Variants in DLC1 observed in about 807,000 individuals in gnomAD.
DLC1 encodes DLC1 Rho GTPase activating protein.
In DLC1, 54 loss-of-function variants were observed where a neutral mutation model predicts 140.3. The ratio of observed to expected loss-of-function variants is 0.38; its 90% CI spans 0.31 to 0.48. DLC1 has a LOEUF of 0.48. Ranked by LOEUF, DLC1 falls within the 20% of genes least tolerant of loss-of-function variation. The pLI, the probability that DLC1 is intolerant of heterozygous loss-of-function variation, is 0.96. For synonymous variants in DLC1, 986 were observed against 728.1 expected (o/e 1.35, Z -5.70); for missense variants, 2,536 against 1,907.0 (o/e 1.33, Z -6.14).
rs560259477 is a variant in DLC1, at chr8:13,499,279, T to C, written c.793A>G (p.Arg265Gly). The C allele has an allele frequency of 1.4e-5, 22 of 1,614,164 alleles. 2 individuals carry two copies. In the South Asian group the frequency reaches 2.3e-4, roughly 17 times the overall value. The part of the protein sequence containing the change: ...NEFLDTPCTN[R>G]GLPLLKTDFG... ...TCTGTTTTTAATAATGGCAGTCCTC[T>C]GTTTGTGCAAGGAGTATCCAAGAAC... The change falls in exon 2 of 18, where the codon AGA becomes GGA. Residue 265 changes from arginine (R) to glycine (G), a missense_variant. Physicochemically the swap from Arg to Gly is moderately radical, Grantham distance 125. Coordinates refer to ENST00000276297, the MANE Select transcript of DLC1 (RefSeq NM_182643.3).
chr8:13,214,411 T>G (rs911134085), intron 5 of DLC1: 2 of 437,540 alleles, frequency 4.6e-6, no homozygotes, highest in African/African-American at 2.0e-5. Context: ...CCTATTTGCT[T>G]GGTCTGAAGG....
chr8:13,190,837 C>G (rs1294329672), intron 5 of DLC1, among the ~76,000 whole-genome samples: 1 of 152,040 alleles, frequency 6.6e-6, no homozygotes, highest in Non-Finnish European at 1.5e-5. Flanking sequence ...GATGAAGTCG[C>G]CAAGTGTGGG....
chr8:13,520,749 A>T (rs974102860), intron 1 of DLC1, among the ~76,000 whole-genome samples: 5 of 152,134 alleles, frequency 3.3e-5, no homozygotes, highest in Admixed American at 3.3e-4. Flanking sequence ...CAGAAACTCA[A>T]AGATTCCCAG....
At chr8:13,391,366 G>C (rs547616585) in intron 4 of DLC1, among the ~76,000 whole-genome samples, 1 of 152,058 alleles carries the variant, frequency 6.6e-6, no homozygotes, top group Non-Finnish European at 1.5e-5. Context: ...CTGAACAGCT[G>C]GATACTACTC....
chr8:13,267,928 G>C lies in DLC1; in HGVS notation c.1348+37341C>G, dbSNP rs1305205357. Among the ~76,000 whole-genome samples the C allele has an allele frequency of 2.0e-5, 3 of 152,160 alleles. No homozygotes were observed. The East Asian group carries it at 5.8e-4, about 29-fold the overall frequency. ...CTTTTCACTATGTCTTGGTGATTTT[G>C]ATTGTCTAGAAGTTGATAATTTGTT... On this transcript the variant is annotated intron_variant, in intron 5 of 17. Coordinates refer to ENST00000276297, the MANE Select transcript of DLC1 (RefSeq NM_182643.3).
chr8:13,154,580 C>T (rs1230004589), intron 5 of DLC1, among the ~76,000 whole-genome samples: 1 of 152,188 alleles, frequency 6.6e-6, no homozygotes, highest in Admixed American at 6.5e-5. Flanking sequence ...GGCGCCTCTC[C>T]CTCCACACCT....
intron 4 of DLC1, among the ~76,000 whole-genome samples, chr8:13,358,842 A>C (rs2117064795): frequency 6.6e-6 from 1 of 152,312 alleles, no homozygotes; most frequent in South Asian, 2.1e-4. Context: ...TAAAAATCAG[A>C]CTATGTTACA....
At chr8:13,511,517 A>G (rs1802364786) in intron 1 of DLC1, among the ~76,000 whole-genome samples, 1 of 152,176 alleles carries the variant, frequency 6.6e-6, no homozygotes, top group Non-Finnish European at 1.5e-5. Flanking sequence ...TTGAAAGCCA[A>G]AACAGAACCA....
intron 5 of DLC1, among the ~76,000 whole-genome samples, chr8:13,209,868 G>A (rs575819532): frequency 1.6e-3 from 242 of 152,186 alleles, no homozygotes; most frequent in Non-Finnish European, 2.7e-3. Flanking sequence ...GCAGAACCAG[G>A]AGCCAATTAA....
At chr8:13,295,834 G>A (rs1307102073) in intron 5 of DLC1, among the ~76,000 whole-genome samples, 1 of 149,470 alleles carries the variant, frequency 6.7e-6, no homozygotes, top group Non-Finnish European at 1.5e-5. Context: ...GTACGTATTT[G>A]TGTATATATT....
intron 8 of DLC1, 81 bp downstream of exon 8, chr8:13,102,709 A>G (rs1819198014): frequency 7.0e-6 from 9 of 1,276,898 alleles, no homozygotes; most frequent in Admixed American, 1.7e-5. Context: ...TTGGAGAAAC[A>G]AAACCTATTA....
chr8:13,168,908 G>T (rs969609935), intron 5 of DLC1, among the ~76,000 whole-genome samples: 1 of 152,188 alleles, frequency 6.6e-6, no homozygotes, highest in African/African-American at 2.4e-5. Flanking sequence ...TGACCCTGTG[G>T]TTATGACCGT....
intron 5 of DLC1, among the ~76,000 whole-genome samples, chr8:13,298,285 A>T (rs1161263492): frequency 6.6e-6 from 1 of 152,178 alleles, no homozygotes; most frequent in East Asian, 1.9e-4. Context: ...ATCTTCTTCA[A>T]TGGCCCCCTT....
At chr8:13,108,252 T>C (rs1417613463) in intron 7 of DLC1, among the ~76,000 whole-genome samples, 2 of 152,110 alleles carry the variant, frequency 1.3e-5, no homozygotes, top group Non-Finnish European at 2.9e-5. Flanking sequence ...ATTTCCTTTT[T>C]TAAAAAAGAA....
chr8:13,539,334 G>A (rs1803406244), intron 1 of DLC1, among the ~76,000 whole-genome samples: 1 of 151,926 alleles, frequency 6.6e-6, no homozygotes, highest in Non-Finnish European at 1.5e-5. Context: ...TAAGTAACTG[G>A]GACTACAGGT....
chr8:13,093,146 A>G (rs1034006597), intron 12 of DLC1, among the ~76,000 whole-genome samples: 2 of 72,696 alleles, frequency 2.8e-5, no homozygotes, highest in African/African-American at 5.7e-5. Flanking sequence ...TTTCCTAAGC[A>G]TGAAAAAAAA....
chr8:13,237,781 A>G (rs750315794), intron 5 of DLC1, among the ~76,000 whole-genome samples: 2 of 152,086 alleles, frequency 1.3e-5, no homozygotes, highest in Non-Finnish European at 2.9e-5. Context: ...TTTTCTGACC[A>G]CACTGTGGAA....
chr8:13,348,861 C>A (rs1478426865), intron 4 of DLC1, among the ~76,000 whole-genome samples: 3 of 152,164 alleles, frequency 2.0e-5, no homozygotes, highest in Non-Finnish European at 1.5e-5. Flanking sequence ...GCTGTATTCT[C>A]AACCTTCTTG....
chr8:13,457,170 A>G (rs944891422), intron 2 of DLC1, among the ~76,000 whole-genome samples: 1 of 152,188 alleles, frequency 6.6e-6, no homozygotes, highest in African/African-American at 2.4e-5. Context: ...ATCTAGCCCT[A>G]TACCGTGCTC....
Sources: allele counts gnomAD v4.1 joint callset (sites outside exome capture counted in the v4.1 genomes callset), GRCh38; gene constraint gnomAD v4.1.1; transcripts MANE v1.5; gene names NCBI Gene and HGNC (gene_info 2026-07-23, HGNC 2026-07-21).